The following NIM1K variants were observed in gnomAD, a reference collection of about 807,000 sequenced individuals.
NIM1K encodes NIM1 serine/threonine protein kinase.
In NIM1K, 35 loss-of-function variants were observed where a neutral mutation model predicts 37.1. The ratio of observed to expected loss-of-function variants is 0.94; its 90% confidence interval spans 0.72 to 1.25. The LOEUF (loss-of-function observed/expected upper bound fraction) is 1.25, where lower values mean the gene tolerates loss of function less well. Among genes scored for constraint, NIM1K ranks in the 50% most tolerant of loss-of-function variants. The pLI is 0.00. For synonymous variants in NIM1K, 234 were observed against 206.6 expected (o/e 1.13, Z -1.14); for missense variants, 564 against 548.0 (o/e 1.03, Z -0.29).
intron 1 of NIM1K, among the ~76,000 whole-genome samples, chr5:43,244,460 G>A (rs568527035): frequency 6.6e-6 from 1 of 152,270 alleles, no homozygotes; most frequent in African/African-American, 2.4e-5. Flanking sequence ...AAAACATCCC[G>A]ATGACATCGT....
intron 2 of NIM1K, among the ~76,000 whole-genome samples, chr5:43,255,358 C>A (rs1026518505): frequency 6.6e-6 from 1 of 152,192 alleles, no homozygotes; most frequent in Admixed American, 6.5e-5. Context: ...AAATAGACAG[C>A]AATCTCTGTC....
chr5:43,232,755 G>T, intron 1 of NIM1K: 1 of 1,185,064 alleles, frequency 8.4e-7, no homozygotes, highest in Non-Finnish European at 1.2e-6. Flanking sequence ...CACCAAAGCT[G>T]TGGAAAAACA....
chr5:43,229,197 C>A (rs2112240374), intron 1 of NIM1K, among the ~76,000 whole-genome samples: 1 of 152,052 alleles, frequency 6.6e-6, no homozygotes, highest in Middle Eastern at 3.4e-3. Context: ...CTAGCCTGGG[C>A]AACATGGCAA....
intron 1 of NIM1K, among the ~76,000 whole-genome samples, chr5:43,205,005 C>T (rs1000597452): frequency 1.1e-4 from 17 of 151,948 alleles, no homozygotes; most frequent in African/African-American, 1.9e-4. Context: ...CAAAAAAACA[C>T]GAACAACAAC....
Position 43,198,189 on chromosome 5 carries a change from T to C in NIM1K, c.-695+5778T>C, listed in dbSNP as rs1460013301. On this transcript the variant is annotated intron_variant, in intron 1 of 3. Transcript: ENST00000326035. ...TTTCTTTCTTTCTTTCTTTCTTTCT[T>C]TCTTTCTTTCTTTCTTTCTCTTTCT... Among the ~76,000 whole-genome samples, 13 of 56,802 alleles carry C rather than the reference T, an allele frequency of 2.3e-4. No individual in the cohort carries two copies. The East Asian group carries it at 3.3e-3, about 15-fold the overall frequency. 37.3% of individuals were successfully genotyped at this position (56,802 alleles called of 152,430 possible). A position where few individuals can be genotyped will look rare whatever the true frequency, so the allele number is the denominator to read the frequency against.
At chr5:43,237,424 G>T (rs1032367423) in intron 1 of NIM1K, among the ~76,000 whole-genome samples, 1 of 152,180 alleles carries the variant, frequency 6.6e-6, no homozygotes, top group East Asian at 1.9e-4. Flanking sequence ...ATTTTGTCTG[G>T]TTGAGTTTCT....
At chr5:43,269,308 C>CAAAAAAA (rs1359809549) in intron 2 of NIM1K, among the ~76,000 whole-genome samples, 60 of 55,632 alleles carry the variant, frequency 1.1e-3, no homozygotes, top group African/African-American at 1.3e-3. Context: ...GACTTCATCT[C>CAAAAAAA]AAAAAAAAAA....
In NIM1K at chr5:43,234,793, C is replaced by A. The variant is rs569552177; in HGVS notation, c.-694-10289C>A. Among the ~76,000 whole-genome samples, 13 of 152,174 alleles carry A rather than the reference C, an allele frequency of 8.5e-5. No individual in the cohort carries two copies. In the South Asian group the frequency reaches 2.7e-3, roughly 32 times the overall value. ...GGGATTACAGGTGTCTGCCATCACA[C>A]CCAGGTAATTTTTGTATTTTTGGTA... On this transcript the variant is annotated intron_variant, in intron 1 of 3. Coordinates refer to ENST00000326035, the MANE Select transcript of NIM1K (RefSeq NM_153361.4).
chr5:43,198,550 A>G (rs7705935), intron 1 of NIM1K, among the ~76,000 whole-genome samples: 149,676 of 152,098 alleles, frequency 0.98, 73,703 homozygotes, highest in Middle Eastern at 1. Context: ...TTAAGTAATG[A>G]TTACTGAAAA....
chr5:43,264,041 CT>C (rs1344508650), intron 2 of NIM1K, among the ~76,000 whole-genome samples: 1 of 152,124 alleles, frequency 6.6e-6, no homozygotes, highest in Non-Finnish European at 1.5e-5. Flanking sequence ...TTACTTCCAA[CT>C]ATGTAGTCAA....
chr5:43,265,754 G>GT (rs1178284988), intron 2 of NIM1K, among the ~76,000 whole-genome samples: 4 of 152,290 alleles, frequency 2.6e-5, no homozygotes, highest in East Asian at 1.9e-4. Flanking sequence ...CATCTTTGTG[G>GT]TTTTATCTAC....
At chr5:43,277,840 GAGAT>G (rs1753372645) in intron 3 of NIM1K, among the ~76,000 whole-genome samples, 1 of 151,336 alleles carries the variant, frequency 6.6e-6, no homozygotes, top group Non-Finnish European at 1.5e-5. Context: ...GAGAGAGAGA[GAGAT>G]GTTCTTCAAT....
intron 2 of NIM1K, among the ~76,000 whole-genome samples, chr5:43,252,864 C>T (rs781299065): frequency 7.2e-5 from 11 of 151,940 alleles, no homozygotes; most frequent in Non-Finnish European, 1.3e-4. Context: ...TTTTCTGTTG[C>T]TGCCCTTCTG....
intron 1 of NIM1K, among the ~76,000 whole-genome samples, chr5:43,199,682 C>T (rs1237077039): frequency 6.6e-6 from 1 of 152,162 alleles, no homozygotes; most frequent in Non-Finnish European, 1.5e-5. Flanking sequence ...AGAGCTATCC[C>T]TATCTTTGAG....
chr5:43,267,885 AATATAT>A (rs1753192524), intron 2 of NIM1K, among the ~76,000 whole-genome samples: 6 of 152,170 alleles, frequency 3.9e-5, no homozygotes, highest in Admixed American at 3.3e-4. Flanking sequence ...CCTATGTTGG[AATATAT>A]TCCATGTGCT....
intron 2 of NIM1K, among the ~76,000 whole-genome samples, chr5:43,264,469 G>T (rs572105060): frequency 2.3e-4 from 35 of 152,192 alleles, no homozygotes; most frequent in Non-Finnish European, 1.5e-5. Context: ...TTTTCCATTT[G>T]CTTGGTAGAT....
chr5:43,233,072 G>T, intron 1 of NIM1K: 1 of 1,331,808 alleles, frequency 7.5e-7, no homozygotes. Flanking sequence ...CTTGGCATCT[G>T]GCCATTGGGC....
At chr5:43,260,024 A>AC (rs1416294629) in intron 2 of NIM1K, among the ~76,000 whole-genome samples, 2 of 152,174 alleles carry the variant, frequency 1.3e-5, no homozygotes, top group African/African-American at 4.8e-5. Flanking sequence ...AGCAACATTT[A>AC]CTAAATAGGG....
chr5:43,227,282 C>T (rs1752471299), intron 1 of NIM1K, among the ~76,000 whole-genome samples: 1 of 152,092 alleles, frequency 6.6e-6, no homozygotes, highest in African/African-American at 2.4e-5. Context: ...ATCGCTTGAA[C>T]CTGGGAGGCA....
Sources: allele counts gnomAD v4.1 joint callset (sites outside exome capture counted in the v4.1 genomes callset), GRCh38; gene constraint gnomAD v4.1.1; transcripts MANE v1.5; gene names NCBI Gene and HGNC (gene_info 2026-07-23, HGNC 2026-07-21).